ADGRL3: variants seen among roughly 807,000 people sequenced by gnomAD.
ADGRL3 encodes calcium-independent alpha-latrotoxin receptor 3.
A neutral mutation model predicts 153.5 loss-of-function variants in ADGRL3; 62 were observed. The observed-to-expected ratio is 0.40, with a 90% CI of 0.33 to 0.50. The LOEUF (loss-of-function observed/expected upper bound fraction) is 0.50. ADGRL3 is among the 20% of genes least tolerant of loss of function. The probability of loss-of-function intolerance (pLI) is 0.47; values close to 1 mark genes in which losing one functional copy is unlikely to be tolerated. For missense variants in ADGRL3, 1,641 were observed against 1,859.4 expected (o/e 0.88, Z 2.16); for synonymous variants, 710 against 672.5 (o/e 1.06, Z -0.86).
chr4:62,049,460 T>C (rs1347211170), intron 25 of ADGRL3, among the ~76,000 whole-genome samples: 4 of 152,186 alleles, frequency 2.6e-5, no homozygotes, highest in African/African-American at 7.2e-5. Context: ...TTGTTATATA[T>C]AGGAAGACTG....
At chr4:61,493,222 A>G (rs929154493) in intron 2 of ADGRL3, among the ~76,000 whole-genome samples, 2 of 152,148 alleles carry the variant, frequency 1.3e-5, no homozygotes, top group African/African-American at 2.4e-5. Context: ...TGTGAGTAAG[A>G]GAGAGGCAGG....
intron 1 of ADGRL3, among the ~76,000 whole-genome samples, chr4:61,230,656 A>T (rs995764802): frequency 6.6e-6 from 1 of 152,136 alleles, no homozygotes; most frequent in African/African-American, 2.4e-5. Context: ...AAGTGCTGGA[A>T]TTACAAGTGT....
At chr4:62,066,978 A>T (rs1039163161) in intron 25 of ADGRL3, among the ~76,000 whole-genome samples, 1 of 152,068 alleles carries the variant, frequency 6.6e-6, no homozygotes, top group South Asian at 2.1e-4. Context: ...ATGATCTCTC[A>T]TGTGCTTTCC....
intron 19 of ADGRL3, among the ~76,000 whole-genome samples, chr4:61,990,611 A>G (rs1365549056): frequency 1.3e-5 from 2 of 152,068 alleles, no homozygotes; most frequent in African/African-American, 4.8e-5. Context: ...TTTCACTAAC[A>G]TCGAGATGAC....
intron 2 of ADGRL3, among the ~76,000 whole-genome samples, chr4:61,419,164 A>G (rs1379791884): frequency 6.6e-6 from 1 of 150,798 alleles, no homozygotes; most frequent in Non-Finnish European, 1.5e-5. Flanking sequence ...GGAAACTGCT[A>G]TTATAAGTAA....
chr4:61,656,387 C>G (rs538069869), intron 5 of ADGRL3, among the ~76,000 whole-genome samples: 1 of 151,936 alleles, frequency 6.6e-6, no homozygotes. Context: ...ATACAAAAGC[C>G]ACATTCTGTG....
At chr4:61,852,319 T>G (rs1388249165) in intron 9 of ADGRL3, among the ~76,000 whole-genome samples, 1 of 151,746 alleles carries the variant, frequency 6.6e-6, no homozygotes. Flanking sequence ...TTTTATTTTA[T>G]TTTATTATTT....
chr4:61,249,538 T>G (rs533961322), intron 1 of ADGRL3, among the ~76,000 whole-genome samples: 6 of 135,792 alleles, frequency 4.4e-5, no homozygotes, highest in African/African-American at 1.7e-4. Flanking sequence ...CATTCCATAT[T>G]GCATGAAGGA....
intron 9 of ADGRL3, among the ~76,000 whole-genome samples, chr4:61,857,530 G>A (rs543614884): frequency 6.6e-6 from 1 of 152,060 alleles, no homozygotes; most frequent in Non-Finnish European, 1.5e-5. Flanking sequence ...CAGCCTCGAA[G>A]AGTGATGGGT....
At chr4:61,344,488 A>G (rs1560498759) in intron 1 of ADGRL3, among the ~76,000 whole-genome samples, 1 of 152,208 alleles carries the variant, frequency 6.6e-6, no homozygotes, top group East Asian at 1.9e-4. Context: ...AAGGTCAGCC[A>G]AAGTCCTGCT....
Position 61,368,064 on chromosome 4 carries a change from C to T in ADGRL3, c.-239-15060C>T, listed in dbSNP as rs1302641175. Among the ~76,000 whole-genome samples, 68 of 151,046 alleles carry T rather than the reference C, an allele frequency of 4.5e-4. No homozygotes were observed. In the South Asian group the frequency reaches 5.2e-3, roughly 12 times the overall value. On this transcript the variant is annotated intron_variant, in intron 1 of 26. Transcript: ENST00000683033. ...TTGAGAAGTGTCTGTTCATGTCCTT[C>T]GCCCACTTTTTGATGGGGTTGTTTG... is the stretch of plus-strand genomic sequence containing the variant.
chr4:61,437,393 A>C (rs1427021185), intron 2 of ADGRL3, among the ~76,000 whole-genome samples: 1 of 152,168 alleles, frequency 6.6e-6, no homozygotes, highest in Non-Finnish European at 1.5e-5. Context: ...ACAGTGAAGG[A>C]GACACTTTGC....
Position 61,353,892 on chromosome 4 carries a change from A to G in ADGRL3, c.-239-29232A>G, listed in dbSNP as rs2096108577. On this transcript the variant is annotated intron_variant, in intron 1 of 26. Coordinates refer to ENST00000683033, the MANE Select transcript of ADGRL3 (RefSeq NM_001387552.1). ...CTTTTCTAATTTGAATTTTTTAAGTAATAAAATTTACCATACCATTTCCCT... is the reference window on the plus strand; with the variant it reads ...CTTTTCTAATTTGAATTTTTTAAGTGATAAAATTTACCATACCATTTCCCT... 1.3e-5 allele frequency among the ~76,000 whole-genome samples: 2 copies of G among 152,124 alleles called. 1 individual carries two copies. The highest frequency in any genetic ancestry group is 1.3e-4 in the Admixed American group (2 of 15,266).
chr4:61,996,354 T>C lies in ADGRL3; in HGVS notation c.3300T>C (p.Ile1100=), dbSNP rs371450012. Residue 1100 remains isoleucine, a synonymous_variant, in exon 20 of 27, where the codon ATT becomes ATC. Transcript: ENST00000683033. ...TTATAGGACCAGCAACTTTGATAAT[T>C]ATGGTAAGAATTCCTAATTAACTAT... ...WSFIGPATLI[I]MLNVIFLGIA... is the part of the protein sequence containing the mutation. 8.7e-6 allele frequency: 14 copies of C among 1,607,440 alleles called. No homozygotes were observed. The highest frequency in any genetic ancestry group is 1.2e-5 in the Non-Finnish European group (14 of 1,174,018).
At chr4:62,012,729 G>A (rs567302324) in intron 21 of ADGRL3, among the ~76,000 whole-genome samples, 7 of 152,170 alleles carry the variant, frequency 4.6e-5, no homozygotes, top group African/African-American at 9.6e-5. Context: ...AGCAATGATC[G>A]TTAAGGGCCC....
chr4:61,494,467 C>T (rs1246115397), intron 2 of ADGRL3, among the ~76,000 whole-genome samples: 1 of 152,142 alleles, frequency 6.6e-6, no homozygotes, highest in African/African-American at 2.4e-5. Flanking sequence ...TTCAATATCC[C>T]TCTTCAAGTA....
intron 8 of ADGRL3, among the ~76,000 whole-genome samples, chr4:61,743,914 C>T (rs1353587260): frequency 1.3e-5 from 2 of 152,194 alleles, no homozygotes; most frequent in African/African-American, 4.8e-5. Flanking sequence ...CGACGCATTG[C>T]CTCACTCGGG....
At chr4:61,401,075 T>C (rs535800274) in intron 2 of ADGRL3, among the ~76,000 whole-genome samples, 1 of 151,622 alleles carries the variant, frequency 6.6e-6, no homozygotes, top group East Asian at 1.9e-4. Context: ...CTTTTTTTTT[T>C]TAAAAAAAAG....
chr4:61,873,229 A>G (rs2098455862), intron 9 of ADGRL3, among the ~76,000 whole-genome samples: 1 of 152,208 alleles, frequency 6.6e-6, no homozygotes, highest in African/African-American at 2.4e-5. Context: ...GAGGCATTGA[A>G]CATCGTTGAA....
Sources: gnomAD v4.1 joint callset for allele counts (sites outside exome capture counted in the v4.1 genomes callset) on GRCh38, gnomAD v4.1.1 for gene constraint, MANE v1.5 for transcripts, NCBI Gene and HGNC (gene_info 2026-07-23, HGNC 2026-07-21) for gene names.